The following ST6GALNAC5 variants were observed in gnomAD, a reference collection of about 807,000 sequenced individuals.
The protein encoded by ST6GALNAC5 is ST6 N-acetylgalactosaminide alpha-2,6-sialyltransferase 5, also known as alpha-N-acetylgalactosaminide alpha-2,6-sialyltransferase 5.
In ST6GALNAC5, 27 loss-of-function variants were observed where a neutral mutation model predicts 33.6. That is an observed-to-expected ratio of 0.80 (90% CI 0.59 to 1.11). The LOEUF (loss-of-function observed/expected upper bound fraction) is 1.11. Among genes scored for constraint, ST6GALNAC5 ranks in the 50% least tolerant of loss-of-function variants. The pLI, the probability that ST6GALNAC5 is intolerant of heterozygous loss-of-function variation, is 0.00. For synonymous variants in ST6GALNAC5, 194 were observed against 171.2 expected, an observed-to-expected ratio of 1.13 and a Z score of -1.04; for missense variants, 428 against 454.0, an observed-to-expected ratio of 0.94 and a Z score of 0.52.
intron 2 of ST6GALNAC5, among the ~76,000 whole-genome samples, chr1:77,013,135 C>A (rs897151248): frequency 6.6e-6 from 1 of 152,154 alleles, no homozygotes; most frequent in East Asian, 1.9e-4. Flanking sequence ...GCACGGTGAG[C>A]AACCAGAACT....
intron 2 of ST6GALNAC5, among the ~76,000 whole-genome samples, chr1:77,005,837 C>T (rs1429963543): frequency 6.6e-6 from 1 of 152,218 alleles, no homozygotes. Context: ...TTTCATTGAG[C>T]ATGTTTTCAA....
At chr1:76,880,915 G>A (rs1021588937) in intron 2 of ST6GALNAC5, among the ~76,000 whole-genome samples, 1 of 152,180 alleles carries the variant, frequency 6.6e-6, no homozygotes, top group Non-Finnish European at 1.5e-5. Context: ...TTATAAAAGA[G>A]AATTTCCGTA....
At chr1:76,983,837 A>C (rs1464641181) in intron 2 of ST6GALNAC5, among the ~76,000 whole-genome samples, 1 of 152,268 alleles carries the variant, frequency 6.6e-6, no homozygotes. Context: ...CAATCAAATT[A>C]GAACTCAGGA....
chr1:76,936,953 GGTGTGTGTGT>G (rs34309736), intron 2 of ST6GALNAC5, among the ~76,000 whole-genome samples: 1,840 of 140,038 alleles, frequency 0.013, 43 homozygotes, highest in African/African-American at 0.046. Flanking sequence ...AGAGAAGCAG[GGTGTGTGTGT>G]GTGTGTGTGT....
At chr1:77,047,619 G>A (rs1652060921) in intron 3 of ST6GALNAC5, among the ~76,000 whole-genome samples, 1 of 152,172 alleles carries the variant, frequency 6.6e-6, no homozygotes, top group Non-Finnish European at 1.5e-5. Flanking sequence ...GGTATTCTTT[G>A]ATATTAAAAA....
At chr1:77,000,785 A>G (rs1650121706) in intron 2 of ST6GALNAC5, among the ~76,000 whole-genome samples, 2 of 151,968 alleles carry the variant, frequency 1.3e-5, no homozygotes, top group Admixed American at 6.6e-5. Context: ...CAGGTTTGTC[A>G]AAGATCAGAT....
chr1:76,943,947 T>G (rs1647421837), intron 2 of ST6GALNAC5, among the ~76,000 whole-genome samples: 1 of 152,124 alleles, frequency 6.6e-6, no homozygotes, highest in Admixed American at 6.5e-5. Flanking sequence ...TTGCATTATT[T>G]AACCAATGTT....
At chr1:76,884,194 T>G (rs1280422228) in intron 2 of ST6GALNAC5, among the ~76,000 whole-genome samples, 2 of 152,210 alleles carry the variant, frequency 1.3e-5, no homozygotes, top group East Asian at 3.8e-4. Flanking sequence ...GCCACCCTCC[T>G]GTGTCTGTGC....
At chr1:76,909,772 G>A (rs1449532602) in intron 2 of ST6GALNAC5, among the ~76,000 whole-genome samples, 1 of 151,946 alleles carries the variant, frequency 6.6e-6, no homozygotes, top group Non-Finnish European at 1.5e-5. Flanking sequence ...AAATAAATTG[G>A]ACAAATAATA....
intron 2 of ST6GALNAC5, among the ~76,000 whole-genome samples, chr1:76,937,784 T>A (rs914178356): frequency 2.6e-5 from 4 of 152,070 alleles, no homozygotes; most frequent in African/African-American, 9.7e-5. Context: ...CCAAATAATA[T>A]TTATAATTCA....
chr1:77,003,771 G>T (rs1283584739), intron 2 of ST6GALNAC5, among the ~76,000 whole-genome samples: 1 of 150,986 alleles, frequency 6.6e-6, no homozygotes, highest in African/African-American at 2.4e-5. Context: ...GGCTGGATAT[G>T]AAATTCTGGG....
chr1:77,026,069 G>A (rs1449308703), intron 2 of ST6GALNAC5, among the ~76,000 whole-genome samples: 2 of 152,238 alleles, frequency 1.3e-5, no homozygotes, highest in Non-Finnish European at 2.9e-5. Flanking sequence ...GGCTTTGGCA[G>A]TAACTCACTG....
At chr1:76,985,588 G>A (rs962239333) in intron 2 of ST6GALNAC5, among the ~76,000 whole-genome samples, 7 of 152,032 alleles carry the variant, frequency 4.6e-5, no homozygotes. Context: ...ACACTGCCCA[G>A]GGTAATTTAT....
chr1:76,976,847 C>T (rs1649031707), intron 2 of ST6GALNAC5, among the ~76,000 whole-genome samples: 1 of 151,938 alleles, frequency 6.6e-6, no homozygotes, highest in Admixed American at 6.6e-5. Context: ...TAAGAACCAA[C>T]ATTAGCCTTT....
intron 2 of ST6GALNAC5, among the ~76,000 whole-genome samples, chr1:76,886,604 T>C (rs1001920025): frequency 4.6e-5 from 7 of 152,200 alleles, no homozygotes; most frequent in Non-Finnish European, 8.8e-5. Context: ...TTTTGCCGCC[T>C]GAGCTCTCCT....
At chr1:76,896,557 G>A (rs1654141284) in intron 2 of ST6GALNAC5, among the ~76,000 whole-genome samples, 1 of 152,138 alleles carries the variant, frequency 6.6e-6, no homozygotes, top group Admixed American at 6.5e-5. Context: ...AGCGTGATCA[G>A]GGTGAGGAAC....
chr1:77,034,498 A>G (rs1052074961), intron 2 of ST6GALNAC5, among the ~76,000 whole-genome samples: 4 of 152,170 alleles, frequency 2.6e-5, no homozygotes, highest in Non-Finnish European at 5.9e-5. Flanking sequence ...TTTTGAGGGA[A>G]GCAGAAAACC....
chr1:77,002,643 C>G (rs1650221130), intron 2 of ST6GALNAC5, among the ~76,000 whole-genome samples: 1 of 149,988 alleles, frequency 6.7e-6, no homozygotes, highest in Admixed American at 6.6e-5. Context: ...TACAAATTTC[C>G]CTCTACACAC....
intron 4 of ST6GALNAC5, among the ~76,000 whole-genome samples, chr1:77,053,068 TTGCAATCTTCATCTAAGAG>T (rs1194274390): frequency 1.3e-5 from 2 of 152,114 alleles, no homozygotes; most frequent in African/African-American, 2.4e-5. Context: ...GATGCAGCTT[TTGCAATCTTCATCTAAGAG>T]TTAAATGAGT....
Sources: allele counts gnomAD v4.1 joint callset (sites outside exome capture counted in the v4.1 genomes callset), GRCh38; gene constraint gnomAD v4.1.1; transcripts MANE v1.5; gene names NCBI Gene and HGNC (gene_info 2026-07-23, HGNC 2026-07-21).